Variants in MRTFB observed in about 807,000 individuals in gnomAD.
MRTFB encodes the protein myocardin-related transcription factor B.
In MRTFB, 29 loss-of-function variants were observed where a neutral mutation model predicts 104.2. That is an observed-to-expected ratio of 0.28 (90% CI 0.21 to 0.38). The LOEUF is 0.38. Among genes scored for constraint, MRTFB ranks in the 10% least tolerant of loss-of-function variants. The probability of loss-of-function intolerance (pLI) is 1.00; values close to 1 mark genes in which losing one functional copy is unlikely to be tolerated. For missense variants in MRTFB, 1,270 were observed against 1,341.6 expected (o/e 0.95, Z 0.83); for synonymous variants, 535 against 519.5 (o/e 1.03, Z -0.41).
chr16:14,252,678 C>G (rs1435098038), intron 15 of MRTFB, among the ~76,000 whole-genome samples, 176 bp downstream of exon 15: 2 of 152,128 alleles, frequency 1.3e-5, no homozygotes, highest in Non-Finnish European at 2.9e-5. Flanking sequence ...TCATGAAGAC[C>G]TTAAACAGCT....
chr16:14,256,018 T>C (rs116591147), intron 15 of MRTFB, among the ~76,000 whole-genome samples: 2,949 of 150,610 alleles, frequency 0.02, 108 homozygotes, highest in African/African-American at 0.068. Flanking sequence ...GAAGCTAAAG[T>C]AGGAGTATCA....
chr16:14,249,904 TG>T (rs1443681615), intron 13 of MRTFB, among the ~76,000 whole-genome samples: 1 of 152,192 alleles, frequency 6.6e-6, no homozygotes. Flanking sequence ...AAACCAGCTT[TG>T]GGGACAGCTG....
intron 8 of MRTFB, among the ~76,000 whole-genome samples, chr16:14,230,002 A>G (rs1018148447): frequency 6.6e-6 from 1 of 152,142 alleles, no homozygotes; most frequent in Admixed American, 6.5e-5. Context: ...ATTTAAACCT[A>G]TTTATATTTT....
chr16:14,021,485 C>T, the MRTFB span, among the ~76,000 whole-genome samples: 1 of 152,106 alleles, frequency 6.6e-6, no homozygotes, highest in Non-Finnish European at 1.5e-5. Context: ...TGAGTAAGTT[C>T]TTTAGTGGTG....
chr16:14,067,464 C>A (rs2033536226), upstream of MRTFB, among the ~76,000 whole-genome samples: 1 of 152,138 alleles, frequency 6.6e-6, no homozygotes, highest in Non-Finnish European at 1.5e-5. Context: ...CTCAAGTGAT[C>A]TGCACGCCTT....
At chr16:14,218,786 CA>C in intron 7 of MRTFB, 33 bp from the exon 8 acceptor site, 1 of 1,560,958 alleles carries the variant, frequency 6.4e-7, no homozygotes, top group Non-Finnish European at 8.7e-7. Flanking sequence ...CCAAAGCCAA[CA>C]TAAGTCAAGT....
At chr16:14,055,180 C>T in the MRTFB span, among the ~76,000 whole-genome samples, 1 of 152,050 alleles carries the variant, frequency 6.6e-6, no homozygotes. Context: ...GGAGAAACCC[C>T]GTCTCTACTA....
At chr16:14,036,241 A>G in the MRTFB span, among the ~76,000 whole-genome samples, 12 of 128,886 alleles carry the variant, frequency 9.3e-5, no homozygotes, top group African/African-American at 3.2e-4. Context: ...TTTATATAAT[A>G]TATGTTATAC....
intron 3 of MRTFB, among the ~76,000 whole-genome samples, chr16:14,181,481 T>G (rs931099069): frequency 6.6e-6 from 1 of 152,202 alleles, no homozygotes; most frequent in Non-Finnish European, 1.5e-5. Context: ...ATTATTCACT[T>G]GAGTGAATAG....
At chr16:14,196,364 T>C (rs566699320) in intron 3 of MRTFB, among the ~76,000 whole-genome samples, 1 of 152,324 alleles carries the variant, frequency 6.6e-6, no homozygotes, top group South Asian at 2.1e-4. Context: ...TTAATTTTGC[T>C]CTTTAATTTC....
chr16:14,105,234 A>T (rs544764289), intron 2 of MRTFB, among the ~76,000 whole-genome samples: 1 of 152,316 alleles, frequency 6.6e-6, no homozygotes, highest in South Asian at 2.1e-4. Context: ...CTTGTACCTC[A>T]TTGCTGTCTT....
intron 15 of MRTFB, among the ~76,000 whole-genome samples, chr16:14,255,811 A>T (rs1597389856): frequency 7.5e-6 from 1 of 134,024 alleles, no homozygotes; most frequent in Non-Finnish European, 1.5e-5. Context: ...GATAGCTTTT[A>T]AAAAAAAAAA....
At chr16:14,251,720 G>A (rs570973056) in intron 13 of MRTFB, 142 bp from the exon 14 acceptor site, 1 of 804,604 alleles carries the variant, frequency 1.2e-6, no homozygotes, top group Admixed American at 2.6e-5. Context: ...ACAGAGGCCA[G>A]GTGACCCACA....
the MRTFB span, among the ~76,000 whole-genome samples, chr16:13,995,396 C>G: frequency 6.6e-6 from 1 of 152,140 alleles, no homozygotes; most frequent in Non-Finnish European, 1.5e-5. Context: ...GCACTTGAGT[C>G]CAAAGGAGCA....
At chr16:14,019,063 A>C in the MRTFB span, 1 of 152,298 alleles carries the variant, frequency 6.6e-6, no homozygotes, top group African/African-American at 2.4e-5. Context: ...CAGTGAAATC[A>C]TTGTTTTGTC....
At chr16:14,012,912 C>T in the MRTFB span, 3 of 152,102 alleles carry the variant, frequency 2.0e-5, no homozygotes, top group Admixed American at 2.0e-4. Context: ...TTCCTGATAT[C>T]TTAGTGAGGT....
chr16:14,197,331 C>CTACCACTTTTTCATGGCCTTCTT (rs1401257531), intron 3 of MRTFB, among the ~76,000 whole-genome samples: 1 of 152,152 alleles, frequency 6.6e-6, no homozygotes. Context: ...GTGGAGAAAT[C>CTACCACTTTTTCATGGCCTTCTT]TACCACTTTT....
At chr16:14,075,177 A>C (rs956016312) in intron 1 of MRTFB, among the ~76,000 whole-genome samples, 15 of 152,222 alleles carry the variant, frequency 9.9e-5, no homozygotes, top group African/African-American at 3.6e-4. Context: ...TTTATATGGG[A>C]AGCTAGTTCC....
In MRTFB at chr16:14,261,339, C is replaced by G. The variant is rs1393547743; in HGVS notation, c.3195C>G (p.Thr1065=). 1.2e-6 allele frequency: 2 copies of G among 1,614,136 alleles called. No homozygotes were observed. Among genetic ancestry groups the G allele is most frequent in the Admixed American group, 3.3e-5 (2 of 60,018 alleles). ...ACAACATGGAGTGGTTGGACATTAC[C>G]ATGCCCAACTCCTCTTCAGGACTCA... ...NLDNMEWLDI[T]MPNSSSGLTP... is the part of the protein sequence containing the mutation. The change falls in exon 17 of 17, where the codon ACC becomes ACG. Residue 1065 remains threonine, a synonymous_variant. Transcript: ENST00000571589.
Sources: allele counts gnomAD v4.1 joint callset (sites outside exome capture counted in the v4.1 genomes callset), GRCh38; gene constraint gnomAD v4.1.1; transcripts MANE v1.5; gene names NCBI Gene and HGNC (gene_info 2026-07-23, HGNC 2026-07-21).